The following ELFN1 variants were observed in gnomAD, a reference collection of about 807,000 sequenced individuals.
The protein encoded by ELFN1 is protein ELFN1.
In ELFN1, 6 loss-of-function variants were observed where a neutral mutation model predicts 7.6. The observed-to-expected ratio is 0.79, with a 90% CI of 0.43 to 1.56. The LOEUF (loss-of-function observed/expected upper bound fraction) is 1.56. Ranked by LOEUF, ELFN1 falls within the 40% of genes most tolerant of loss-of-function variation. The probability of loss-of-function intolerance (pLI) is 0.01; values close to 1 mark genes in which losing one functional copy is unlikely to be tolerated. For synonymous variants in ELFN1, 657 were observed against 588.1 expected, an observed-to-expected ratio of 1.12 and a Z score of -1.70; for missense variants, 1,169 against 1,232.2, an observed-to-expected ratio of 0.95 and a Z score of 0.77.
chr7:1,706,505 C>T (rs970004993), intron 2 of ELFN1, among the ~76,000 whole-genome samples: 4 of 152,258 alleles, frequency 2.6e-5, no homozygotes, highest in African/African-American at 4.8e-5. Context: ...TTCCACCATG[C>T]ACTGCTGCCA....
intron 2 of ELFN1, among the ~76,000 whole-genome samples, chr7:1,708,876 T>C (rs1450914539): frequency 6.6e-6 from 1 of 152,108 alleles, no homozygotes. Flanking sequence ...CTCCCCTCTA[T>C]CCCGGCTGGC....
In ELFN1 at chr7:1,746,647, C is replaced by A; in HGVS notation, c.2051C>A (p.Thr684Lys). Reference protein sequence around the residue: ...SPAADAILTVTPAAAVLRAEA... With the variant: ...SPAADAILTVKPAAAVLRAEA... The stretch of plus-strand genomic sequence containing the variant: ...GCGGCCGACGCCATCCTCACTGTGA[C>A]ACCCGCGGCCGCCGTGCTGCGGGCC... The change falls in exon 4 of 4, where the codon ACA (threonine) becomes AAA (lysine). Residue 684 changes from threonine (T) to lysine (K), a missense_variant. Coordinates refer to ENST00000424383, the MANE Select transcript of ELFN1 (RefSeq NM_001128636.4). 1 of 1,357,902 alleles carries A rather than the reference C, an allele frequency of 7.4e-7. No individual in the cohort carries two copies. Among genetic ancestry groups the A allele is most frequent in the South Asian group, 1.7e-5 (1 of 59,936 alleles). The allele number at this position is 1,357,902 out of a possible 1,614,324, so 84.1% of individuals were successfully genotyped here. A position where few individuals can be genotyped will look rare whatever the true frequency, so the allele number is the denominator to read the frequency against.
rs372598967 is a variant in ELFN1, at chr7:1,712,174, G to GTTTCT, written c.-294+2945_-294+2949dup. ...AACACCCTGTCCCCCAAGTTTGTCT[G>GTTTCT]TTTCTTTTCTTTTCTTTTCTTTTCT... On this transcript the variant is annotated intron_variant, in intron 3 of 3. Transcript: ENST00000424383. Among the ~76,000 whole-genome samples the GTTTCT allele has an allele frequency of 6.3e-3, 963 of 152,266 alleles. 17 individuals carry two copies. Among genetic ancestry groups the GTTTCT allele is most frequent in the African/African-American group, 0.018 (728 of 41,544 alleles).
chr7:1,710,072 C>G (rs889766088), intron 3 of ELFN1, among the ~76,000 whole-genome samples: 1 of 152,208 alleles, frequency 6.6e-6, no homozygotes, highest in African/African-American at 2.4e-5. Context: ...GAAGGAGGCG[C>G]TATTGTTAAG....
upstream of ELFN1, among the ~76,000 whole-genome samples, chr7:1,670,202 G>A (rs1016683610): frequency 6.6e-6 from 1 of 150,880 alleles, no homozygotes; most frequent in African/African-American, 2.4e-5. The surrounding 1 kb of genome is among the most constrained non-coding windows in gnomAD (Gnocchi z 6.4). Flanking sequence ...GGGCGAGCTT[G>A]AATTCCCCCC....
chr7:1,708,472 G>C (rs1779583485), intron 2 of ELFN1, among the ~76,000 whole-genome samples: 1 of 152,224 alleles, frequency 6.6e-6, no homozygotes, highest in African/African-American at 2.4e-5. Context: ...TCTGCCTCCT[G>C]ACTTAGTTTC....
chr7:1,742,044 A>G (rs999315966), intron 3 of ELFN1, among the ~76,000 whole-genome samples: 1 of 152,120 alleles, frequency 6.6e-6, no homozygotes, highest in Non-Finnish European at 1.5e-5. Context: ...ACACAGGTAT[A>G]CATGTGTCCA....
At chr7:1,720,140 T>C (rs1779975017) in intron 3 of ELFN1, among the ~76,000 whole-genome samples, 1 of 152,234 alleles carries the variant, frequency 6.6e-6, no homozygotes, top group African/African-American at 2.4e-5. Flanking sequence ...TGCCTGGAGA[T>C]GTCCCAGCCA....
rs2128608055 is a variant in ELFN1, at chr7:1,747,620, C to T, written c.*537C>T. 6.0e-6 allele frequency: 1 copy of T among 165,452 alleles called. No individual in the cohort carries two copies. Among genetic ancestry groups the T allele is most frequent in the South Asian group, 2.1e-4 (1 of 4,822 alleles). 10.2% of individuals were successfully genotyped at this position (165,452 alleles called of 1,614,324 possible). On this transcript the variant is annotated 3_prime_UTR_variant, in exon 4 of 4. Coordinates refer to ENST00000424383, the MANE Select transcript of ELFN1 (RefSeq NM_001128636.4). ...TGTCCAGTCCGTCTCTTCATTGCCG[C>T]CTCCGGAGTCCACTGCAGAGGGGCA...
intron 3 of ELFN1, among the ~76,000 whole-genome samples, chr7:1,733,614 C>T (rs1320322996): frequency 6.6e-6 from 1 of 152,194 alleles, no homozygotes; most frequent in Non-Finnish European, 1.5e-5. Context: ...AGCCCCGTCC[C>T]AGCCCATCTT....
chr7:1,739,487 A>C lies in ELFN1; in HGVS notation c.-293-4817A>C, dbSNP rs1360512797. 1.3e-5 allele frequency: 2 copies of C among 152,436 alleles called. No homozygotes were observed. The highest frequency in any genetic ancestry group is 4.8e-5 in the African/African-American group (2 of 41,344). 9.4% of individuals were successfully genotyped at this position (152,436 alleles called of 1,614,324 possible). On this transcript the variant is annotated intron_variant, in intron 3 of 3. Transcript: ENST00000424383. This position sits in a 1 kb window ranked among gnomAD's most constrained non-coding sequence, Gnocchi z 4.6. Reference sequence around the variant, plus strand: ...AGCCACTTAGACGCAACGGGGGAGAATCTTCAAGTCGGGGGCAGCCGAGGG... The same window carrying C: ...AGCCACTTAGACGCAACGGGGGAGACTCTTCAAGTCGGGGGCAGCCGAGGG...
chr7:1,724,851 C>T (rs1003702151), intron 3 of ELFN1, among the ~76,000 whole-genome samples: 3 of 152,228 alleles, frequency 2.0e-5, no homozygotes, highest in African/African-American at 7.2e-5. Context: ...GCACCCCTGG[C>T]ACCCCTTTTG....
At chr7:1,708,388 C>T (rs777536898) in intron 2 of ELFN1, among the ~76,000 whole-genome samples, 2 of 152,208 alleles carry the variant, frequency 1.3e-5, no homozygotes, top group South Asian at 2.1e-4. Context: ...GACCTGTGGG[C>T]GGCATAGTTC....
rs1562392115 is a variant in ELFN1 at position 1,745,946 on chromosome 7, CAAG to C, written c.1354_1356del (p.Lys452del). 1.3e-6 allele frequency: 2 copies of C among 1,553,552 alleles called. No homozygotes were observed. Among genetic ancestry groups the C allele is most frequent in the African/African-American group, 1.4e-5 (1 of 73,058 alleles). The stretch of plus-strand genomic sequence containing the variant: ...GGCGGCGGCGCCAGGAGGAGAAGCA[CAAG>C]AAGGCCGCCTCGGCAGCCGCAGCTG... On this transcript the variant is annotated inframe_deletion, in exon 4 of 4. Coordinates refer to ENST00000424383, the MANE Select transcript of ELFN1 (RefSeq NM_001128636.4).
intron 2 of ELFN1, chr7:1,691,955 T>C (rs549373847): frequency 6.6e-6 from 1 of 152,374 alleles, no homozygotes; most frequent in African/African-American, 2.4e-5. Context: ...TGACCAGCAA[T>C]GTCTGCCTGC....
chr7:1,728,286 G>T (rs375732591), intron 3 of ELFN1, among the ~76,000 whole-genome samples: 4 of 152,210 alleles, frequency 2.6e-5, no homozygotes, highest in African/African-American at 4.8e-5. Flanking sequence ...GCCCAGCCCC[G>T]GCCTGCACCC....
chr7:1,729,572 G>C (rs1374748420), intron 3 of ELFN1, among the ~76,000 whole-genome samples: 1 of 152,216 alleles, frequency 6.6e-6, no homozygotes, highest in East Asian at 1.9e-4. Context: ...TAGGGGCTGT[G>C]CCCAGGACGG....
intron 3 of ELFN1, among the ~76,000 whole-genome samples, chr7:1,732,673 A>G (rs1780348933): frequency 6.6e-6 from 1 of 152,144 alleles, no homozygotes; most frequent in Admixed American, 6.5e-5. Flanking sequence ...TCAGGATGGC[A>G]TGGAGTTCCC....
At chr7:1,685,385 C>T (rs1418084690) in intron 1 of ELFN1, among the ~76,000 whole-genome samples, 4 of 152,116 alleles carry the variant, frequency 2.6e-5, no homozygotes, top group Admixed American at 6.5e-5. Context: ...ATTATTTCTT[C>T]AAATCTTATT....
Sources: gnomAD v4.1 joint callset for allele counts (sites outside exome capture counted in the v4.1 genomes callset) on GRCh38, gnomAD v4.1.1 for gene constraint, Gnocchi (gnomAD v3.1) non-coding constraint, MANE v1.5 for transcripts, NCBI Gene and HGNC (gene_info 2026-07-23, HGNC 2026-07-21) for gene names.